LRMDA: variants seen among roughly 807,000 people sequenced by gnomAD.
LRMDA encodes the protein leucine rich melanocyte differentiation associated.
In LRMDA, 18 loss-of-function variants were observed where a neutral mutation model predicts 29.8. The observed-to-expected ratio is 0.60, with a 90% CI of 0.42 to 0.90. LRMDA has a LOEUF of 0.90. Among genes scored for constraint, LRMDA ranks in the 40% least tolerant of loss-of-function variants. LRMDA has a pLI of 0.00. For synonymous variants in LRMDA, 125 were observed against 109.4 expected (o/e 1.14, Z -0.89); for missense variants, 273 against 273.9 (o/e 1.00, Z 0.02).
chr10:76,195,608 C>T (rs936680760), intron 5 of LRMDA, among the ~76,000 whole-genome samples: 4 of 152,048 alleles, frequency 2.6e-5, no homozygotes, highest in African/African-American at 9.7e-5. Flanking sequence ...CAAAGAACCC[C>T]ATAAATTTAG....
chr10:75,833,950 G>T (rs1046819208), intron 2 of LRMDA, among the ~76,000 whole-genome samples: 4 of 152,142 alleles, frequency 2.6e-5, no homozygotes, highest in Admixed American at 1.3e-4. Context: ...AATTCTGTGT[G>T]GCTTGAGGAC....
intron 5 of LRMDA, among the ~76,000 whole-genome samples, chr10:76,213,938 G>C (rs570918199): frequency 6.6e-6 from 1 of 150,884 alleles, no homozygotes; most frequent in African/African-American, 2.5e-5. Context: ...ACTATAGCTA[G>C]GGGGAATTGC....
At chr10:75,824,656 C>G (rs1351807786) in intron 2 of LRMDA, among the ~76,000 whole-genome samples, 1 of 152,132 alleles carries the variant, frequency 6.6e-6, no homozygotes, top group Non-Finnish European at 1.5e-5. Context: ...GGCTTTTGCT[C>G]CCTCTTATTC....
Position 75,737,393 on chromosome 10 carries a change from G to A in LRMDA, c.132-298615G>A, listed in dbSNP as rs150584400. 7.9e-5 allele frequency among the ~76,000 whole-genome samples: 12 copies of A among 152,320 alleles called. No homozygotes were observed. In the East Asian group the frequency reaches 1.5e-3, roughly 20 times the overall value. ...TCGCCCCCATCACCGTGGCAGGAACGTTGGGCCATCCCAAGAATGTGGCCA... is the reference window on the plus strand; with the variant it reads ...TCGCCCCCATCACCGTGGCAGGAACATTGGGCCATCCCAAGAATGTGGCCA... On this transcript the variant is annotated intron_variant, in intron 2 of 6. Transcript: ENST00000611255.
chr10:75,595,166 A>T (rs1261467092), intron 2 of LRMDA, among the ~76,000 whole-genome samples: 1 of 152,146 alleles, frequency 6.6e-6, no homozygotes, highest in Admixed American at 6.5e-5. Context: ...TGAAATTCCA[A>T]CCTGATTTTA....
chr10:76,030,984 G>A (rs1173051048), intron 2 of LRMDA, among the ~76,000 whole-genome samples: 1 of 152,196 alleles, frequency 6.6e-6, no homozygotes, highest in Non-Finnish European at 1.5e-5. Flanking sequence ...GCTGCCGTGT[G>A]CCAGGCACTG....
intron 6 of LRMDA, among the ~76,000 whole-genome samples, chr10:76,490,215 G>C (rs118165891): frequency 2.9e-4 from 44 of 152,020 alleles, no homozygotes; most frequent in Non-Finnish European, 5.0e-4. Context: ...CCTAACATAA[G>C]ATTTGTCCTT....
intron 2 of LRMDA, among the ~76,000 whole-genome samples, chr10:76,020,235 A>G (rs927308288): frequency 6.6e-6 from 1 of 152,230 alleles, no homozygotes. Context: ...TACTTGGTAC[A>G]TGGATATGCA....
At chr10:75,821,423 A>T (rs184737266) in intron 2 of LRMDA, among the ~76,000 whole-genome samples, 179 of 152,356 alleles carry the variant, frequency 1.2e-3, no homozygotes, top group African/African-American at 4.0e-3. Context: ...TCATATGATC[A>T]TATCAATAGA....
chr10:76,055,500 G>A (rs1848599511), intron 4 of LRMDA, among the ~76,000 whole-genome samples: 1 of 152,188 alleles, frequency 6.6e-6, no homozygotes, highest in South Asian at 2.1e-4. Flanking sequence ...TGTGACTGGT[G>A]GTTCCTTTGC....
At chr10:76,298,716 T>A (rs569953120) in intron 5 of LRMDA, among the ~76,000 whole-genome samples, 1 of 152,212 alleles carries the variant, frequency 6.6e-6, no homozygotes, top group Non-Finnish European at 1.5e-5. Flanking sequence ...GGCTGTGCCT[T>A]AAAAAGTTAC....
intron 6 of LRMDA, among the ~76,000 whole-genome samples, chr10:76,541,348 A>G (rs1054342014): frequency 6.6e-6 from 1 of 152,122 alleles, no homozygotes; most frequent in African/African-American, 2.4e-5. Context: ...TAAAAATACC[A>G]AAATTAGCCA....
intron 2 of LRMDA, among the ~76,000 whole-genome samples, chr10:75,608,110 GTATATATA>G (rs10605160): frequency 0.14 from 13,873 of 101,532 alleles, 2,398 homozygotes; most frequent in African/African-American, 0.36. Flanking sequence ...TGTAGTGTGT[GTATATATA>G]TATATATATA....
chr10:75,505,407 C>G (rs181389852), intron 2 of LRMDA, among the ~76,000 whole-genome samples: 1 of 152,156 alleles, frequency 6.6e-6, no homozygotes, highest in Non-Finnish European at 1.5e-5. Flanking sequence ...AACTGAGTCT[C>G]ATGGCCACAC....
chr10:76,099,471 T>C (rs1849363614), intron 5 of LRMDA, among the ~76,000 whole-genome samples: 1 of 152,218 alleles, frequency 6.6e-6, no homozygotes, highest in Non-Finnish European at 1.5e-5. Flanking sequence ...TTAATTTGCT[T>C]TTATTTTTCT....
chr10:75,847,434 A>G (rs535530935), intron 2 of LRMDA, among the ~76,000 whole-genome samples: 13 of 152,202 alleles, frequency 8.5e-5, no homozygotes, highest in Admixed American at 5.2e-4. Context: ...GAAAGCTTCA[A>G]TGCAGTGGAT....
At chr10:76,083,666 T>TA (rs1038739583) in intron 5 of LRMDA, among the ~76,000 whole-genome samples, 6 of 151,882 alleles carry the variant, frequency 4.0e-5, no homozygotes, top group East Asian at 1.9e-4. Context: ...CCGTCTCTAC[T>TA]AAAAAAACAA....
chr10:76,337,061 C>T (rs1840978621), intron 6 of LRMDA, among the ~76,000 whole-genome samples: 2 of 152,114 alleles, frequency 1.3e-5, no homozygotes, highest in Non-Finnish European at 2.9e-5. Flanking sequence ...TGAATGTTGG[C>T]ATGTCTGCAT....
intron 5 of LRMDA, among the ~76,000 whole-genome samples, chr10:76,321,731 G>A (rs1054866850): frequency 2.6e-5 from 4 of 152,142 alleles, no homozygotes; most frequent in Non-Finnish European, 4.4e-5. Flanking sequence ...GATCACCTGA[G>A]GCCAGGAGTT....
Sources: gnomAD v4.1 joint callset for allele counts (sites outside exome capture counted in the v4.1 genomes callset) on GRCh38, gnomAD v4.1.1 for gene constraint, MANE v1.5 for transcripts, NCBI Gene and HGNC (gene_info 2026-07-23, HGNC 2026-07-21) for gene names.